LRP1B: variants seen among roughly 807,000 people sequenced by gnomAD.
The protein encoded by LRP1B is low-density lipoprotein receptor-related protein 1B.
Under a neutral mutation model 556.6 loss-of-function variants are expected in LRP1B, and 217 were observed. The ratio of observed to expected loss-of-function variants is 0.39; its 90% CI spans 0.35 to 0.44. The LOEUF (loss-of-function observed/expected upper bound fraction) is 0.44, where lower values mean the gene tolerates loss of function less well. LRP1B is among the 20% of genes least tolerant of loss of function. The probability of loss-of-function intolerance (pLI) is 1.00; values close to 1 mark genes in which losing one functional copy is unlikely to be tolerated. For synonymous variants in LRP1B, 2,047 were observed against 1,865.8 expected (o/e 1.10, Z -2.50); for missense variants, 5,053 against 5,620.8 (o/e 0.90, Z 3.23).
chr2:141,807,789 C>T (rs1228923591), intron 2 of LRP1B, among the ~76,000 whole-genome samples: 2 of 152,014 alleles, frequency 1.3e-5, no homozygotes, highest in East Asian at 1.9e-4. Context: ...AAATATTTAA[C>T]AGCATTGCAG....
chr2:140,612,401 C>A (rs368986456), intron 41 of LRP1B, among the ~76,000 whole-genome samples: 4 of 152,190 alleles, frequency 2.6e-5, no homozygotes, highest in South Asian at 2.1e-4. Flanking sequence ...TACCTCTGAA[C>A]AAATTTTAAA....
At chr2:140,508,320 T>C (rs1268394950) in intron 52 of LRP1B, among the ~76,000 whole-genome samples, 1 of 152,160 alleles carries the variant, frequency 6.6e-6, no homozygotes, top group African/African-American at 2.4e-5. Context: ...TTCTTTGTGA[T>C]TGACATAGTA....
At chr2:140,684,826 C>T (rs752659680) in intron 41 of LRP1B, among the ~76,000 whole-genome samples, 15 of 152,100 alleles carry the variant, frequency 9.9e-5, no homozygotes, top group Non-Finnish European at 2.1e-4. Context: ...AATCTGGGCC[C>T]AAGATGCGAG....
intron 20 of LRP1B, among the ~76,000 whole-genome samples, chr2:140,927,484 A>G (rs1311896053): frequency 1.3e-5 from 2 of 152,166 alleles, no homozygotes; most frequent in Non-Finnish European, 2.9e-5. Flanking sequence ...TTTTTCTCAT[A>G]TAAAAACTCA....
At chr2:140,977,746 C>T (rs1696649002) in intron 18 of LRP1B, among the ~76,000 whole-genome samples, 1 of 152,146 alleles carries the variant, frequency 6.6e-6, no homozygotes, top group African/African-American at 2.4e-5. Context: ...TTTTAACAAG[C>T]TCCTCAAAAG....
intron 1 of LRP1B, among the ~76,000 whole-genome samples, chr2:141,972,909 T>A (rs1460015501): frequency 6.6e-6 from 1 of 151,674 alleles, no homozygotes; most frequent in East Asian, 1.9e-4. Flanking sequence ...AGACTCATAA[T>A]ACATACATCG....
At chr2:141,821,146 C>T (rs1574399250) in intron 1 of LRP1B, among the ~76,000 whole-genome samples, 1 of 152,220 alleles carries the variant, frequency 6.6e-6, no homozygotes, top group Non-Finnish European at 1.5e-5. Context: ...CACCTAGAGC[C>T]TCCAAAAGAA....
chr2:140,288,021 T>C (rs1683223259), intron 84 of LRP1B, among the ~76,000 whole-genome samples: 1 of 151,826 alleles, frequency 6.6e-6, no homozygotes, highest in Non-Finnish European at 1.5e-5. Context: ...TATATTGTTT[T>C]CTATTTCTGC....
chr2:141,615,909 A>G (rs1338776927), intron 2 of LRP1B, among the ~76,000 whole-genome samples: 1 of 152,212 alleles, frequency 6.6e-6, no homozygotes, highest in Non-Finnish European at 1.5e-5. Flanking sequence ...AAGCTTCCGC[A>G]GAATATATTA....
chr2:141,071,876 C>T (rs1296045196), intron 7 of LRP1B, among the ~76,000 whole-genome samples: 1 of 152,122 alleles, frequency 6.6e-6, no homozygotes, highest in African/African-American at 2.4e-5. Flanking sequence ...AATGGAAGAA[C>T]ATTCCATGCT....
At chr2:140,454,718 ACTAAT>A (rs1229455661) in intron 62 of LRP1B, among the ~76,000 whole-genome samples, 22 of 152,088 alleles carry the variant, frequency 1.4e-4, no homozygotes, top group African/African-American at 5.3e-4. Flanking sequence ...CATTTATTTG[ACTAAT>A]CTAATTTGTT....
chr2:141,373,331 T>C (rs1442960889), intron 3 of LRP1B, among the ~76,000 whole-genome samples: 1 of 152,144 alleles, frequency 6.6e-6, no homozygotes, highest in African/African-American at 2.4e-5. Context: ...AGTTGGTGCA[T>C]AGACTGTTCT....
chr2:140,813,931 G>T (rs1470335192), intron 31 of LRP1B, 125 bp from the exon 32 acceptor site: 1 of 670,528 alleles, frequency 1.5e-6, no homozygotes, highest in Non-Finnish European at 2.5e-6. Context: ...TTACAAATAA[G>T]ATCTGGCTAA....
chr2:140,734,578 C>T (rs1291948067), intron 35 of LRP1B, among the ~76,000 whole-genome samples: 4 of 152,144 alleles, frequency 2.6e-5, no homozygotes, highest in Non-Finnish European at 2.9e-5. Flanking sequence ...CAGGACTCTC[C>T]TGATTTTAGC....
At chr2:141,149,505 T>C (rs916709903) in intron 7 of LRP1B, among the ~76,000 whole-genome samples, 8 of 152,202 alleles carry the variant, frequency 5.3e-5, no homozygotes, top group African/African-American at 1.2e-4. Context: ...GGACATCTTA[T>C]AGCATAAACA....
chr2:141,697,111 AT>A (rs1222159129), intron 2 of LRP1B, among the ~76,000 whole-genome samples: 1 of 151,872 alleles, frequency 6.6e-6, no homozygotes, highest in African/African-American at 2.4e-5. Context: ...TCATTTTACC[AT>A]TTTTAAGTCA....
At chr2:140,639,860 C>A (rs1574177247) in intron 41 of LRP1B, among the ~76,000 whole-genome samples, 1 of 152,148 alleles carries the variant, frequency 6.6e-6, no homozygotes, top group Admixed American at 6.5e-5. Context: ...TCTCCAGCCA[C>A]ACTGGCCCAC....
chr2:141,837,948 T>A (rs1697342618), intron 1 of LRP1B, among the ~76,000 whole-genome samples: 1 of 152,184 alleles, frequency 6.6e-6, no homozygotes, highest in Non-Finnish European at 1.5e-5. Flanking sequence ...TGTCATGTTG[T>A]TGCAAATACA....
intron 47 of LRP1B, among the ~76,000 whole-genome samples, chr2:140,528,948 C>G (rs189906713): frequency 3.9e-4 from 59 of 152,124 alleles, no homozygotes; most frequent in African/African-American, 1.3e-3. Context: ...AAGAAAGATA[C>G]TGAAATCTCT....
Sources: gnomAD v4.1 joint callset for allele counts (sites outside exome capture counted in the v4.1 genomes callset) on GRCh38, gnomAD v4.1.1 for gene constraint, MANE v1.5 for transcripts, NCBI Gene and HGNC (gene_info 2026-07-23, HGNC 2026-07-21) for gene names.